Variants in PGR observed in about 807,000 individuals in gnomAD.
The protein encoded by PGR is progesterone receptor.
Under a neutral mutation model 76.1 loss-of-function variants are expected in PGR, and 25 were observed. The observed-to-expected ratio is 0.33, with a 90% confidence interval of 0.24 to 0.46. The LOEUF (loss-of-function observed/expected upper bound fraction) is 0.46, where lower values mean the gene tolerates loss of function less well. Among genes scored for constraint, PGR ranks in the 20% least tolerant of loss-of-function variants. PGR has a pLI of 1.00. For synonymous variants in PGR, 579 were observed against 535.0 expected, an observed-to-expected ratio of 1.08 and a Z score of -1.14; for missense variants, 1,172 against 1,225.3, an observed-to-expected ratio of 0.96 and a Z score of 0.65.
In PGR at chr11:101,128,910, G is replaced by T. The variant is rs369863850; in HGVS notation, c.161C>A (p.Ser54Tyr). 9.5e-5 allele frequency: 154 copies of T among 1,613,780 alleles called. 1 individual carries two copies. Among genetic ancestry groups the T allele is most frequent in the Middle Eastern group, 6.6e-4 (4 of 6,084 alleles). ...TLPEVSAIPI[S>Y]LDGLLFPRPC... ...CCGAGGGAAGAGTAGCCCGTCCAGG[G>T]AGATAGGTATGGCCGAAACTTCAGG... Residue 54 changes from serine to tyrosine, a missense_variant, in exon 1 of 8, where the codon TCC becomes TAC. Around this residue, in one of 4 missense-constraint regions of PGR, gnomAD observed 893 missense variants for 785.9 expected, o/e 1.14. Coordinates refer to ENST00000325455, the MANE Select transcript of PGR (RefSeq NM_000926.4).
chr11:101,123,220 C>A (rs1242060249), intron 2 of PGR, among the ~76,000 whole-genome samples: 1 of 152,176 alleles, frequency 6.6e-6, no homozygotes, highest in African/African-American at 2.4e-5. Context: ...TTAAGACCTG[C>A]AAAGCACTGA....
intron 4 of PGR, among the ~76,000 whole-genome samples, chr11:101,058,116 C>T (rs1860357824): frequency 6.6e-6 from 1 of 152,066 alleles, no homozygotes; most frequent in Non-Finnish European, 1.5e-5. Context: ...GTGACAAATA[C>T]CTAAGCAAGA....
chr11:101,114,411 CA>C (rs1476524432), intron 2 of PGR, among the ~76,000 whole-genome samples: 11 of 152,184 alleles, frequency 7.2e-5, no homozygotes, highest in Non-Finnish European at 1.6e-4. Flanking sequence ...TCTCAATTCT[CA>C]TAAGTTATTT....
intron 4 of PGR, among the ~76,000 whole-genome samples, chr11:101,058,869 G>T (rs912610289): frequency 6.6e-6 from 1 of 151,928 alleles, no homozygotes; most frequent in Non-Finnish European, 1.5e-5. Flanking sequence ...CTTTTCAATG[G>T]TTTCTTACCA....
intron 3 of PGR, among the ~76,000 whole-genome samples, chr11:101,066,208 C>G (rs189784252): frequency 6.6e-5 from 10 of 152,264 alleles, no homozygotes; most frequent in African/African-American, 2.4e-4. Flanking sequence ...TTATCCCAAC[C>G]AAATTATTCT....
In PGR at chr11:101,128,123, C is replaced by A; in HGVS notation, c.948G>T (p.Leu316Phe). The A allele has an allele frequency of 6.3e-7, 1 of 1,598,652 alleles. No individual in the cohort carries two copies. Among genetic ancestry groups the A allele is most frequent in the Non-Finnish European group, 8.5e-7 (1 of 1,179,736 alleles). ...VPILPLNHAL[L>F]AARTRQLLED... ...CCAGCAGCTGCCGAGTGCGGGCTGCCAATAAGGCGTGATTGAGAGGCAGGA... is the reference window on the plus strand; with the variant it reads ...CCAGCAGCTGCCGAGTGCGGGCTGCAAATAAGGCGTGATTGAGAGGCAGGA... The change falls in exon 1 of 8, where the codon TTG (leucine) becomes TTT (phenylalanine). Residue 316 changes from leucine (L) to phenylalanine (F), a missense_variant. Physicochemically the swap from Leu to Phe is conservative, Grantham distance 22 (BLOSUM62 0). This residue lies in a region of PGR where 893 missense variants were observed against 785.9 expected (regional missense o/e 1.14). Coordinates refer to ENST00000325455, the MANE Select transcript of PGR (RefSeq NM_000926.4).
intron 2 of PGR, among the ~76,000 whole-genome samples, chr11:101,093,004 A>G (rs1565354694): frequency 6.6e-6 from 1 of 152,204 alleles, no homozygotes; most frequent in Non-Finnish European, 1.5e-5. Context: ...GGAAAGGATT[A>G]GCCTAAACGG....
At chr11:101,100,276 T>A (rs573355662) in intron 2 of PGR, among the ~76,000 whole-genome samples, 1 of 152,290 alleles carries the variant, frequency 6.6e-6, no homozygotes, top group East Asian at 1.9e-4. Context: ...AGTCTAGCAT[T>A]TCCCCTACTG....
At chr11:101,097,784 T>C (rs1169361192) in intron 2 of PGR, among the ~76,000 whole-genome samples, 1 of 151,118 alleles carries the variant, frequency 6.6e-6, no homozygotes, top group South Asian at 2.1e-4. Flanking sequence ...TACTCTTTTT[T>C]TTTTTTTTTT....
intron 3 of PGR, among the ~76,000 whole-genome samples, chr11:101,082,528 G>A (rs1445386226): frequency 6.6e-6 from 1 of 152,216 alleles, no homozygotes; most frequent in Non-Finnish European, 1.5e-5. Flanking sequence ...TGGACAATGA[G>A]TCTAGGCTTA....
rs549557026 is a variant in PGR at position 101,038,847 on chromosome 11, A to G, written c.*269T>C. ...CTACATGGTATGAAATAATATGGAT[A>G]AGATAGTTTACTTTAACAATTTTAG... On this transcript the variant is annotated 3_prime_UTR_variant, in exon 8 of 8. Coordinates refer to ENST00000325455, the MANE Select transcript of PGR (RefSeq NM_000926.4). The G allele has an allele frequency of 2.9e-6, 1 of 339,916 alleles. No homozygotes were observed. The highest frequency in any genetic ancestry group is 3.8e-5 in the South Asian group (1 of 26,482). The allele number at this position is 339,916 out of a possible 1,614,324, so 21.1% of individuals were successfully genotyped here.
At chr11:101,078,690 C>T (rs1284321914) in intron 3 of PGR, among the ~76,000 whole-genome samples, 1 of 152,114 alleles carries the variant, frequency 6.6e-6, no homozygotes, top group South Asian at 2.1e-4. Context: ...TAACTCAAAA[C>T]ATAATTTTTA....
At chr11:101,083,649 T>G (rs1428824965) in intron 3 of PGR, among the ~76,000 whole-genome samples, 3 of 152,218 alleles carry the variant, frequency 2.0e-5, no homozygotes, top group African/African-American at 7.2e-5. Flanking sequence ...ATTTTGGAGC[T>G]TTAATATTTA....
chr11:101,062,882 A>G (rs368429944), intron 3 of PGR, 130 bp from the exon 4 acceptor site: 2 of 484,512 alleles, frequency 4.1e-6, no homozygotes, highest in Admixed American at 3.9e-5. Context: ...AAATAGAATA[A>G]AAGTGTTAGA....
chr11:101,033,213 C>T lies in PGR; in HGVS notation c.*5903G>A, dbSNP rs1388989446. 2.9e-5 allele frequency: 6 copies of T among 208,764 alleles called. No homozygotes were observed. 12.9% of individuals were successfully genotyped at this position (208,764 alleles called of 1,614,324 possible). A position where few individuals can be genotyped will look rare whatever the true frequency, so the allele number is the denominator to read the frequency against. ...AAGTCTGCCATGTGAAAATCTCTTC[C>T]TATCCCTAATCATAGCAAATTCAGG... On this transcript the variant is annotated 3_prime_UTR_variant, in exon 8 of 8. Transcript: ENST00000325455.
intron 7 of PGR, among the ~76,000 whole-genome samples, chr11:101,040,777 T>C (rs558959): frequency 0.28 from 43,021 of 151,844 alleles, 6,446 homozygotes; most frequent in African/African-American, 0.39. Context: ...TTAGAAAACT[T>C]GTATGTTTCA....
intron 2 of PGR, among the ~76,000 whole-genome samples, chr11:101,101,999 G>A (rs1862010865): frequency 6.6e-6 from 1 of 152,006 alleles, no homozygotes; most frequent in African/African-American, 2.4e-5. Context: ...CGTTTAACTG[G>A]CATATAATTA....
At chr11:101,064,775 G>C (rs1165844090) in intron 3 of PGR, among the ~76,000 whole-genome samples, 2 of 152,118 alleles carry the variant, frequency 1.3e-5, no homozygotes, top group African/African-American at 4.8e-5. Flanking sequence ...ATCTGTTGCT[G>C]TATGGTTTGC....
chr11:101,090,258 T>G (rs568712698), intron 3 of PGR, among the ~76,000 whole-genome samples: 1 of 152,206 alleles, frequency 6.6e-6, no homozygotes, highest in Non-Finnish European at 1.5e-5. Flanking sequence ...CTAGGTTATA[T>G]TGCTGATCCC....
Sources: gnomAD v4.1 joint callset for allele counts (sites outside exome capture counted in the v4.1 genomes callset) on GRCh38, gnomAD v4.1.1 for gene constraint, gnomAD v4.1.1 regional missense constraint, MANE v1.5 for transcripts, NCBI Gene and HGNC (gene_info 2026-07-23, HGNC 2026-07-21) for gene names.